The following SNX29 variants were observed in gnomAD, a reference collection of about 807,000 sequenced individuals.
The protein encoded by SNX29 is sorting nexin 29, also known as sorting nexin-29.
In SNX29, 78 loss-of-function variants were observed where a neutral mutation model predicts 102.1. The observed-to-expected ratio is 0.76, with a 90% CI of 0.64 to 0.92. The LOEUF (loss-of-function observed/expected upper bound fraction) is 0.92, where lower values mean the gene tolerates loss of function less well. Among genes scored for constraint, SNX29 ranks in the 40% least tolerant of loss-of-function variants. SNX29 has a pLI of 0.00. For missense variants in SNX29, 1,280 were observed against 1,061.7 expected (o/e 1.21, Z -2.86); for synonymous variants, 580 against 414.5 (o/e 1.40, Z -4.85).
chr16:12,321,635 T>C (rs1291995660), intron 15 of SNX29, among the ~76,000 whole-genome samples: 2 of 152,136 alleles, frequency 1.3e-5, no homozygotes, highest in Non-Finnish European at 2.9e-5. Flanking sequence ...AAGAGGGCGC[T>C]GAGAGCTGGG....
chr16:12,420,250 T>G (rs2084817926), intron 18 of SNX29, among the ~76,000 whole-genome samples: 1 of 152,226 alleles, frequency 6.6e-6, no homozygotes, highest in African/African-American at 2.4e-5. Flanking sequence ...TACTGATGAA[T>G]AGACAACTGA....
intron 20 of SNX29, among the ~76,000 whole-genome samples, chr16:12,567,410 G>C (rs376933264): frequency 2.0e-5 from 3 of 152,216 alleles, no homozygotes; most frequent in Non-Finnish European, 4.4e-5. Flanking sequence ...TATTCAAATA[G>C]CGTATAGTAG....
intron 13 of SNX29, among the ~76,000 whole-genome samples, chr16:12,170,603 G>A (rs1396235533): frequency 6.6e-6 from 1 of 152,000 alleles, no homozygotes; most frequent in Non-Finnish European, 1.5e-5. Context: ...ACATGGGACG[G>A]AGGCTTCTGG....
intron 18 of SNX29, among the ~76,000 whole-genome samples, chr16:12,457,169 A>G (rs1297003773): frequency 2.0e-5 from 3 of 152,254 alleles, no homozygotes. Flanking sequence ...ACCCCTTTCC[A>G]GAATTGCTAA....
chr16:11,995,670 C>G (rs746930590), intron 1 of SNX29, among the ~76,000 whole-genome samples: 1 of 147,492 alleles, frequency 6.8e-6, no homozygotes, highest in African/African-American at 2.5e-5. Context: ...AAAAAGACAT[C>G]GAGGATCATT....
chr16:12,287,753 C>A (rs550891359), intron 15 of SNX29, among the ~76,000 whole-genome samples: 14 of 152,318 alleles, frequency 9.2e-5, no homozygotes, highest in African/African-American at 3.4e-4. Flanking sequence ...GTCCCCACCT[C>A]GTGATTGGTG....
chr16:12,000,510 G>A (rs989775454), intron 2 of SNX29: 3 of 151,294 alleles, frequency 2.0e-5, no homozygotes, highest in Admixed American at 1.3e-4. Flanking sequence ...ATTTTAATAG[G>A]GGTGTGTGTT....
At chr16:12,042,812 A>G (rs925268682) in intron 4 of SNX29, 85 bp from the exon 5 acceptor site, 54 of 1,409,192 alleles carry the variant, frequency 3.8e-5, no homozygotes, top group Non-Finnish European at 5.0e-5. Flanking sequence ...ACAATCTCCA[A>G]CTTCGCCTAG....
intron 15 of SNX29, among the ~76,000 whole-genome samples, chr16:12,287,983 A>T (rs910887802): frequency 6.6e-6 from 1 of 152,224 alleles, no homozygotes; most frequent in Non-Finnish European, 1.5e-5. Flanking sequence ...ATAGATATTG[A>T]TGTCACAGCC....
intron 13 of SNX29, among the ~76,000 whole-genome samples, chr16:12,183,414 C>G (rs945179926): frequency 6.7e-6 from 1 of 149,348 alleles, no homozygotes; most frequent in African/African-American, 2.5e-5. Flanking sequence ...GATTTACCAA[C>G]TTTTTTTTTT....
intron 17 of SNX29, among the ~76,000 whole-genome samples, chr16:12,402,843 A>G (rs1331547232): frequency 1.3e-5 from 2 of 152,188 alleles, no homozygotes; most frequent in Admixed American, 1.3e-4. Flanking sequence ...ATTTGTACCC[A>G]TCAGCCTGGT....
chr16:12,117,195 C>T (rs1034270351), intron 11 of SNX29, among the ~76,000 whole-genome samples: 425 of 126,364 alleles, frequency 3.4e-3, no homozygotes, highest in Middle Eastern at 8.7e-3. Flanking sequence ...CGTGCTTCAA[C>T]GCGGATGAAC....
intron 13 of SNX29, among the ~76,000 whole-genome samples, chr16:12,167,069 G>A (rs1341272543): frequency 6.6e-6 from 1 of 152,162 alleles, no homozygotes; most frequent in Admixed American, 6.5e-5. Context: ...TGCTTCCAAA[G>A]GAATTTTGAC....
At chr16:12,280,685 C>A (rs1013437495) in intron 15 of SNX29, among the ~76,000 whole-genome samples, 2 of 152,178 alleles carry the variant, frequency 1.3e-5, no homozygotes, top group African/African-American at 4.8e-5. Flanking sequence ...TGCCGGTGAT[C>A]TTTCATCTGT....
intron 20 of SNX29, among the ~76,000 whole-genome samples, chr16:12,554,038 C>T (rs1378436114): frequency 2.6e-5 from 4 of 152,212 alleles, no homozygotes; most frequent in African/African-American, 4.8e-5. Context: ...GTTGCCCAGG[C>T]TGGTCTGTAA....
intron 13 of SNX29, among the ~76,000 whole-genome samples, chr16:12,179,567 A>G (rs149198021): frequency 6.6e-6 from 1 of 152,332 alleles, no homozygotes; most frequent in East Asian, 1.9e-4. Context: ...ACCTGAGCCT[A>G]TGGCCAGTAT....
chr16:12,042,206 T>C (rs2049908075), intron 4 of SNX29, among the ~76,000 whole-genome samples: 1 of 152,156 alleles, frequency 6.6e-6, no homozygotes, highest in Non-Finnish European at 1.5e-5. Flanking sequence ...AATTTTTGCA[T>C]TTTTAGTAGA....
intron 13 of SNX29, among the ~76,000 whole-genome samples, chr16:12,193,299 G>A (rs1054491394): frequency 1.3e-5 from 2 of 151,688 alleles, no homozygotes; most frequent in Admixed American, 1.3e-4. Context: ...GCAAAACCCC[G>A]TCCCTACTGA....
chr16:12,457,270 T>C (rs1024745757), intron 18 of SNX29, among the ~76,000 whole-genome samples: 1 of 152,194 alleles, frequency 6.6e-6, no homozygotes, highest in East Asian at 1.9e-4. Flanking sequence ...GCTCTATAGA[T>C]GCTAAAACTG....
Sources: allele counts gnomAD v4.1 joint callset (sites outside exome capture counted in the v4.1 genomes callset), GRCh38; gene constraint gnomAD v4.1.1; transcripts MANE v1.5; gene names NCBI Gene and HGNC (gene_info 2026-07-23, HGNC 2026-07-21).